The following ANLN variants were observed in gnomAD, a reference collection of about 807,000 sequenced individuals.
ANLN encodes the protein anillin, actin binding protein.
ANLN carries 59 observed loss-of-function variants against 135.1 expected under a neutral mutation model. The ratio of observed to expected loss-of-function variants is 0.44; its 90% CI spans 0.35 to 0.54. The LOEUF is 0.54. ANLN is among the 20% of genes least tolerant of loss of function. ANLN has a pLI of 0.00. For synonymous variants in ANLN, 406 were observed against 456.4 expected (o/e 0.89, Z 1.41); for missense variants, 1,182 against 1,340.0 (o/e 0.88, Z 1.84).
chr7:36,449,141 G>T (rs1342265952), intron 22 of ANLN: 1 of 152,208 alleles, frequency 6.6e-6, no homozygotes, highest in Non-Finnish European at 1.5e-5. Flanking sequence ...CCCATTTTCA[G>T]GACCATTTGG....
At chr7:36,446,185 T>C (rs1788991288) in intron 22 of ANLN, among the ~76,000 whole-genome samples, 1 of 152,250 alleles carries the variant, frequency 6.6e-6, no homozygotes, top group African/African-American at 2.4e-5. Flanking sequence ...GCTAGTCTAT[T>C]GCTTTGTGCT....
Position 36,428,430 on chromosome 7 carries a change from A to G in ANLN, c.2883+1402A>G, listed in dbSNP as rs968611998. 21 of 866,310 alleles carry G rather than the reference A, an allele frequency of 2.4e-5. No homozygotes were observed. In the African/African-American group the frequency reaches 3.4e-4, roughly 14 times the overall value. The allele number at this position is 866,310 out of a possible 1,614,324, so 53.7% of individuals were successfully genotyped here. On this transcript the variant is annotated intron_variant, in intron 20 of 23. Transcript: ENST00000265748. ...AATCCTTAATTTTTGATCTACATAT[A>G]TTTGTTTTACTAACTATCTTTTTGT...
At chr7:36,418,669 G>A (rs1249484643) in intron 9 of ANLN, among the ~76,000 whole-genome samples, 1 of 152,002 alleles carries the variant, frequency 6.6e-6, no homozygotes, top group Non-Finnish European at 1.5e-5. Flanking sequence ...TTCTACATTT[G>A]AGTTCTTAAT....
At chr7:36,443,525 T>A (rs1175509198) in intron 21 of ANLN, among the ~76,000 whole-genome samples, 1 of 152,196 alleles carries the variant, frequency 6.6e-6, no homozygotes, top group Non-Finnish European at 1.5e-5. Context: ...TAATTTAGGG[T>A]TGATATCTGA....
intron 12 of ANLN, among the ~76,000 whole-genome samples, chr7:36,421,469 T>G (rs1787873667): frequency 1.3e-5 from 2 of 151,962 alleles, no homozygotes; most frequent in South Asian, 4.2e-4. Flanking sequence ...TCTTGTGCCT[T>G]GGACTCCCAA....
chr7:36,438,030 T>C (rs1583650759), intron 20 of ANLN, among the ~76,000 whole-genome samples: 1 of 152,282 alleles, frequency 6.6e-6, no homozygotes, highest in South Asian at 2.1e-4. Flanking sequence ...CTCAGGTGAT[T>C]CACCCGCCTC....
intron 21 of ANLN, among the ~76,000 whole-genome samples, chr7:36,443,093 T>G (rs1788844050): frequency 6.6e-6 from 1 of 152,226 alleles, no homozygotes; most frequent in Non-Finnish European, 1.5e-5. Flanking sequence ...ATGTTATTAG[T>G]TGCCTATTCT....
At position 36,396,942 on chromosome 7, in the gene ANLN, CAT is replaced by C. The variant is rs1431055943; in HGVS notation, c.172+525_172+526del. ...GGAATTAAACACAAGCACACACACA[CAT>C]ACACACAAACAAAAACTCACCTGTA... On this transcript the variant is annotated intron_variant, in intron 2 of 23. Coordinates refer to ENST00000265748, the MANE Select transcript of ANLN (RefSeq NM_018685.5). 4.6e-5 allele frequency among the ~76,000 whole-genome samples: 7 copies of C among 152,128 alleles called. No individual in the cohort carries two copies. The East Asian group carries it at 9.6e-4, about 21-fold the overall frequency.
chr7:36,394,303 T>C, intron 1 of ANLN, among the ~76,000 whole-genome samples: 1 of 152,206 alleles, frequency 6.6e-6, no homozygotes, highest in East Asian at 1.9e-4. Context: ...TATAACAAGG[T>C]GCATGCGGCC....
intron 20 of ANLN, 138 bp downstream of exon 20, chr7:36,427,166 G>T: frequency 3.7e-6 from 2 of 536,700 alleles, no homozygotes. Context: ...GCACATTTTT[G>T]CTAGGTATGA....
At chr7:36,406,752 T>C (rs1053341732) in intron 4 of ANLN, among the ~76,000 whole-genome samples, 186 bp downstream of exon 4, 7 of 152,184 alleles carry the variant, frequency 4.6e-5, no homozygotes. Flanking sequence ...TGGGTACCCA[T>C]CCCAAGATCA....
At chr7:36,401,556 C>A (rs1786949446) in intron 3 of ANLN, among the ~76,000 whole-genome samples, 1 of 150,108 alleles carries the variant, frequency 6.7e-6, no homozygotes, top group Non-Finnish European at 1.5e-5. Context: ...CCAAGCTGGT[C>A]TTGAACTCCT....
intron 20 of ANLN, among the ~76,000 whole-genome samples, chr7:36,428,764 A>AAATAAAAAC (rs1788190634): frequency 7.0e-6 from 1 of 142,088 alleles, no homozygotes; most frequent in Admixed American, 7.2e-5. Flanking sequence ...GTGATGTTTT[A>AAATAAAAAC]AATAAAAGCA....
At chr7:36,420,950 T>C (rs755351909) in intron 12 of ANLN, among the ~76,000 whole-genome samples, 3 of 152,352 alleles carry the variant, frequency 2.0e-5, no homozygotes, top group Middle Eastern at 3.4e-3. Flanking sequence ...TCATTTGATA[T>C]TGCTGAAATA....
intron 2 of ANLN, among the ~76,000 whole-genome samples, chr7:36,397,932 T>C (rs556375765): frequency 1.1e-4 from 17 of 152,010 alleles, no homozygotes; most frequent in African/African-American, 4.1e-4. Flanking sequence ...AAAAGAGACA[T>C]AAAAGTGGAG....
chr7:36,399,443 C>G, intron 3 of ANLN, 50 bp downstream of exon 3: 1 of 1,448,866 alleles, frequency 6.9e-7, no homozygotes, highest in Non-Finnish European at 9.3e-7. Context: ...CAATAAGATT[C>G]AGTTTGGTAT....
chr7:36,418,302 T>TG (rs1787730314), intron 9 of ANLN, among the ~76,000 whole-genome samples: 2 of 151,988 alleles, frequency 1.3e-5, no homozygotes, highest in Admixed American at 6.6e-5. Context: ...GAGGTGGGTG[T>TG]GGGGGTCGTC....
At chr7:36,413,317 G>T (rs78389952) in intron 7 of ANLN, among the ~76,000 whole-genome samples, 122 of 152,180 alleles carry the variant, frequency 8.0e-4, no homozygotes, top group African/African-American at 2.9e-3. Flanking sequence ...ATCTGCTTAA[G>T]CTTTGCCACC....
At chr7:36,417,245 A>G in intron 9 of ANLN, 55 bp downstream of exon 9, 4 of 958,926 alleles carry the variant, frequency 4.2e-6, no homozygotes, top group Non-Finnish European at 6.4e-6. Context: ...AGGAAATAAT[A>G]TATTGATAGA....
Sources: allele counts gnomAD v4.1 joint callset (sites outside exome capture counted in the v4.1 genomes callset), GRCh38; gene constraint gnomAD v4.1.1; transcripts MANE v1.5; gene names NCBI Gene and HGNC (gene_info 2026-07-23, HGNC 2026-07-21).